Variants in RORA observed in about 807,000 individuals in gnomAD.
The protein encoded by RORA is RAR related orphan receptor A.
In RORA, 7 loss-of-function variants were observed where a neutral mutation model predicts 69.5. That is an observed-to-expected ratio of 0.10 (90% confidence interval 0.06 to 0.19). RORA has a LOEUF of 0.19. Ranked by LOEUF, RORA falls within the 10% of genes least tolerant of loss-of-function variation. The pLI is 1.00. For synonymous variants in RORA, 261 were observed against 240.8 expected (o/e 1.08, Z -0.78); for missense variants, 457 against 663.0 (o/e 0.69, Z 3.41).
intron 3 of RORA, among the ~76,000 whole-genome samples, chr15:60,516,063 A>ATG (rs2065901999): frequency 1.5e-5 from 1 of 65,940 alleles, no homozygotes; most frequent in Non-Finnish European, 2.5e-5. Flanking sequence ...ATATTTATAT[A>ATG]TATTTATATA....
chr15:61,126,187 C>T (rs954984607), intron 1 of RORA, among the ~76,000 whole-genome samples: 1 of 152,158 alleles, frequency 6.6e-6, no homozygotes, highest in South Asian at 2.1e-4. Context: ...TCATCAAAGG[C>T]TCTCAGATGT....
chr15:61,068,730 C>T (rs1335889150), intron 1 of RORA, among the ~76,000 whole-genome samples: 1 of 152,202 alleles, frequency 6.6e-6, no homozygotes, highest in Non-Finnish European at 1.5e-5. Flanking sequence ...CACATTCACC[C>T]ATGTATAAGC....
Position 60,496,150 on chromosome 15 carries a change from A to G in RORA, c.*1305T>C, listed in dbSNP as rs1453342899. The G allele has an allele frequency of 6.6e-6, 1 of 152,190 alleles. No individual in the cohort carries two copies. The highest frequency in any genetic ancestry group is 2.4e-5 in the African/African-American group (1 of 41,464). 9.4% of individuals were successfully genotyped at this position (152,190 alleles called of 1,614,324 possible). On this transcript the variant is annotated 3_prime_UTR_variant, in exon 11 of 11. Coordinates refer to ENST00000335670, the MANE Select transcript of RORA (RefSeq NM_134261.3). The surrounding 1 kb of genome is among the most constrained non-coding windows in gnomAD (Gnocchi z 4.5). ...CATTCTTGAATTATAGCATCTATTG[A>G]CAACAAATCTAGAATTAGTTCACTC...
rs2065078497 is a variant in RORA, at chr15:60,493,183, C to G, written c.*4272G>C. On this transcript the variant is annotated 3_prime_UTR_variant, in exon 11 of 11. Transcript: ENST00000335670. ...TCTTAAAATAATAGCATTGGAAGGACATATGATTTAAACAATCAATGTTGG... is the reference window on the plus strand; with the variant it reads ...TCTTAAAATAATAGCATTGGAAGGAGATATGATTTAAACAATCAATGTTGG... 1 of 152,026 alleles carries G rather than the reference C, an allele frequency of 6.6e-6. No individual in the cohort carries two copies. Among genetic ancestry groups the G allele is most frequent in the Non-Finnish European group, 1.5e-5 (1 of 68,016 alleles). The allele number at this position is 152,026 out of a possible 1,614,324, so 9.4% of individuals were successfully genotyped here.
At chr15:61,065,842 T>C (rs1020791037) in intron 1 of RORA, among the ~76,000 whole-genome samples, 1 of 152,228 alleles carries the variant, frequency 6.6e-6, no homozygotes, top group Non-Finnish European at 1.5e-5. Context: ...ACTCTGATCC[T>C]ACTCCTTTAA....
At chr15:60,539,184 A>C (rs1415583998) in intron 2 of RORA, among the ~76,000 whole-genome samples, 1 of 152,220 alleles carries the variant, frequency 6.6e-6, no homozygotes, top group Non-Finnish European at 1.5e-5. Context: ...AATTAAGAGA[A>C]AGCTGAGCTG....
chr15:61,001,730 T>A (rs2140381152), intron 1 of RORA, among the ~76,000 whole-genome samples: 1 of 152,252 alleles, frequency 6.6e-6, no homozygotes, highest in Admixed American at 6.5e-5. Context: ...AAGCACCAGT[T>A]AATAGGAAAG....
chr15:60,558,349 G>C, intron 2 of RORA: 1 of 1,329,010 alleles, frequency 7.5e-7, no homozygotes, highest in Non-Finnish European at 1.1e-6. Flanking sequence ...GCTACTAATG[G>C]GCATTAATTA....
chr15:60,806,638 C>T (rs1236156234), intron 1 of RORA, among the ~76,000 whole-genome samples: 1 of 152,262 alleles, frequency 6.6e-6, no homozygotes, highest in Non-Finnish European at 1.5e-5. Flanking sequence ...AACAATGCTA[C>T]AAAGTAGGCA....
intron 1 of RORA, among the ~76,000 whole-genome samples, chr15:60,936,867 A>T (rs567954777): frequency 6.6e-6 from 1 of 152,354 alleles, no homozygotes; most frequent in Non-Finnish European, 1.5e-5. Flanking sequence ...CTGTAAAACC[A>T]TTCAAATCAA....
At chr15:61,091,650 G>A (rs1022067643) in intron 1 of RORA, among the ~76,000 whole-genome samples, 3 of 152,184 alleles carry the variant, frequency 2.0e-5, no homozygotes, top group African/African-American at 7.2e-5. Context: ...GGAAGCATTC[G>A]CATGATGCTC....
At chr15:60,500,432 A>G (rs141686085) in intron 9 of RORA, among the ~76,000 whole-genome samples, 1,921 of 152,312 alleles carry the variant, frequency 0.013, 49 homozygotes, top group African/African-American at 0.044. Flanking sequence ...TAGAATTCCA[A>G]CTGACTTAAG....
chr15:61,027,182 G>T (rs1390047285), intron 1 of RORA, among the ~76,000 whole-genome samples: 21 of 152,224 alleles, frequency 1.4e-4, no homozygotes, highest in Admixed American at 1.4e-3. Context: ...TGCGCCAATA[G>T]TATTAGTTGA....
intron 1 of RORA, among the ~76,000 whole-genome samples, chr15:60,717,472 T>C (rs574808172): frequency 6.6e-6 from 1 of 152,324 alleles, no homozygotes; most frequent in East Asian, 1.9e-4. Flanking sequence ...GGGCATAGCT[T>C]GTAATACCTA....
intron 2 of RORA, among the ~76,000 whole-genome samples, chr15:60,651,063 C>T (rs941012320): frequency 3.3e-5 from 5 of 152,034 alleles, no homozygotes; most frequent in East Asian, 1.9e-4. Context: ...ATATTGTCAG[C>T]GGTGGAAAGA....
chr15:60,808,622 A>G (rs1382519279), intron 1 of RORA, among the ~76,000 whole-genome samples: 1 of 151,674 alleles, frequency 6.6e-6, no homozygotes, highest in Non-Finnish European at 1.5e-5. Context: ...ACACGTTTAT[A>G]GCGGCACATT....
At chr15:61,121,585 G>C (rs1004894268) in intron 1 of RORA, among the ~76,000 whole-genome samples, 6 of 152,196 alleles carry the variant, frequency 3.9e-5, no homozygotes, top group Middle Eastern at 3.4e-3. Context: ...GTCTGCACCA[G>C]GATCTCAAAT....
At chr15:60,583,101 A>G (rs2068237677) in intron 2 of RORA, among the ~76,000 whole-genome samples, 1 of 152,182 alleles carries the variant, frequency 6.6e-6, no homozygotes, top group Non-Finnish European at 1.5e-5. Context: ...CAGCATTTTC[A>G]AAAGAAAAAG....
chr15:60,619,204 G>A (rs1462352653), intron 2 of RORA, among the ~76,000 whole-genome samples: 2 of 152,174 alleles, frequency 1.3e-5, no homozygotes, highest in African/African-American at 4.8e-5. Flanking sequence ...TGCTTTCTTC[G>A]AGTTAAAGCA....
Sources: allele counts gnomAD v4.1 joint callset (sites outside exome capture counted in the v4.1 genomes callset), GRCh38; gene constraint gnomAD v4.1.1; non-coding constraint Gnocchi (gnomAD v3.1); transcripts MANE v1.5; gene names NCBI Gene and HGNC (gene_info 2026-07-23, HGNC 2026-07-21).